Variants in PRR35 observed in about 807,000 individuals in gnomAD.
The protein encoded by PRR35 is proline-rich protein 35.
PRR35 carries 14 observed loss-of-function variants against 18.6 expected under a neutral mutation model. The observed-to-expected ratio is 0.75, with a 90% CI of 0.50 to 1.18. PRR35 has a LOEUF of 1.18. PRR35 is among the 50% of genes most tolerant of loss of function. The probability of loss-of-function intolerance (pLI) is 0.00; values close to 1 mark genes in which losing one functional copy is unlikely to be tolerated. For missense variants in PRR35, 832 were observed against 792.2 expected, an observed-to-expected ratio of 1.05 and a Z score of -0.60; for synonymous variants, 425 against 378.2, an observed-to-expected ratio of 1.12 and a Z score of -1.43.
chr16:561,088 G>C (rs2035426520), intron 1 of PRR35, among the ~76,000 whole-genome samples: 1 of 152,130 alleles, frequency 6.6e-6, no homozygotes, highest in African/African-American at 2.4e-5. Context: ...GCCGGGTGTC[G>C]GGGCCTGGCA....
At position 565,117 on chromosome 16, in the gene PRR35, C is replaced by T. The variant is rs1161398907; in HGVS notation, c.1526C>T (p.Pro509Leu). The T allele has an allele frequency of 6.2e-7, 1 of 1,603,700 alleles. No individual in the cohort carries two copies. The highest frequency in any genetic ancestry group is 2.2e-5 in the East Asian group (1 of 44,620). ...EPPGMLGPAA[P>L]QPFSGHTTKC... ...CCCGGCATGCTGGGCCCTGCAGCGC[C>T]CCAACCCTTCTCTGGCCACACCACC... is the stretch of plus-strand genomic sequence containing the variant. Residue 509 changes from proline to leucine, a missense_variant, in exon 3 of 3, where the codon CCC becomes CTC. This residue lies in a region of PRR35 where 768 missense variants were observed against 704.1 expected (regional missense o/e 1.09). Coordinates refer to ENST00000409413, the MANE Select transcript of PRR35 (RefSeq NM_145270.3).
In PRR35 at chr16:565,198, A is replaced by G. The variant is rs2035517307; in HGVS notation, c.1607A>G (p.Asp536Gly). ...PPPGLPLAAP[D>G]DPVIPGSGWG... ...CCAGGGCTCCCCCTCGCAGCCCCAG[A>G]TGACCCTGTCATTCCTGGCAGTGGC... The change falls in exon 3 of 3, where the codon GAT becomes GGT. Residue 536 changes from aspartate (D) to glycine (G), a missense_variant. Physicochemically the swap from Asp to Gly is moderately conservative, Grantham distance 94. Coordinates refer to ENST00000409413, the MANE Select transcript of PRR35 (RefSeq NM_145270.3). 3 of 1,610,840 alleles carry G rather than the reference A, an allele frequency of 1.9e-6. No individual in the cohort carries two copies. Among genetic ancestry groups the G allele is most frequent in the South Asian group, 2.2e-5 (2 of 90,836 alleles).
intron 1 of PRR35, among the ~76,000 whole-genome samples, chr16:560,900 G>T (rs1253016588): frequency 6.7e-6 from 1 of 148,856 alleles, no homozygotes; most frequent in African/African-American, 2.5e-5. Context: ...CCTCGCGCTC[G>T]CCGCACCCGC....
upstream of PRR35, chr16:560,327 G>A (rs2035411922): frequency 1.0e-6 from 1 of 981,308 alleles, no homozygotes; most frequent in Non-Finnish European, 1.2e-6. Context: ...CGCCGCGAGC[G>A]CGGTCGGAGG....
chr16:565,323 G>C lies in PRR35; in HGVS notation c.*16G>C. ...CGAGGTCTGACCTGCAGCGCCTGAG[G>C]TCTGACTGTCTCTGCCTGCAGCATG... On this transcript the variant is annotated 3_prime_UTR_variant, in exon 3 of 3. Transcript: ENST00000409413. The C allele has an allele frequency of 6.8e-7, 1 of 1,467,056 alleles. No individual in the cohort carries two copies. The highest frequency in any genetic ancestry group is 9.0e-7 in the Non-Finnish European group (1 of 1,108,998). The allele number at this position is 1,467,056 out of a possible 1,614,324, so 90.9% of individuals were successfully genotyped here.
In PRR35 at chr16:561,447, TG is replaced by T. The variant is rs536429482; in HGVS notation, c.-40+794del. Among the ~76,000 whole-genome samples the T allele has an allele frequency of 4.6e-5, 7 of 151,572 alleles. No homozygotes were observed. In the East Asian group the frequency reaches 5.9e-4, roughly 13 times the overall value. On this transcript the variant is annotated intron_variant, in intron 1 of 2. Transcript: ENST00000409413. ...CACACCCATTTGTCATCCACATGGGTGGGGGGGGCGGCGGGCAGGGAGAAGG... is the reference window on the plus strand; with the variant it reads ...CACACCCATTTGTCATCCACATGGGTGGGGGGGCGGCGGGCAGGGAGAAGG...
intron 1 of PRR35, among the ~76,000 whole-genome samples, chr16:561,450 G>A (rs527526897): frequency 3.3e-5 from 5 of 152,172 alleles, no homozygotes; most frequent in East Asian, 3.9e-4. Flanking sequence ...ACATGGGTGG[G>A]GGGGGCGGCG....
At position 563,238 on chromosome 16, in the gene PRR35, C is replaced by G. The variant is rs1383614533; in HGVS notation, c.-39-18C>G. The G allele has an allele frequency of 6.6e-7, 1 of 1,519,158 alleles. No individual in the cohort carries two copies. Among genetic ancestry groups the G allele is most frequent in the Admixed American group, 2.0e-5 (1 of 50,872 alleles). The allele number at this position is 1,519,158 out of a possible 1,614,324, so 94.1% of individuals were successfully genotyped here. ...TAGTCAGAGGCAGGCTTGGCACTGACTGTGGCCCCATCTACAGGTGGCCAT... is the reference window on the plus strand; with the variant it reads ...TAGTCAGAGGCAGGCTTGGCACTGAGTGTGGCCCCATCTACAGGTGGCCAT... On this transcript the variant is annotated intron_variant, in intron 1 of 2. Coordinates refer to ENST00000409413, the MANE Select transcript of PRR35 (RefSeq NM_145270.3).
chr16:561,952 TGCAGCCAGGGCCCC>T, intron 1 of PRR35, among the ~76,000 whole-genome samples: 1 of 152,174 alleles, frequency 6.6e-6, no homozygotes, highest in African/African-American at 2.4e-5. Context: ...GTGAGGTGTG[TGCAGCCAGGGCCCC>T]GCACTTGGTG....
chr16:562,913 T>A (rs1319131368), intron 1 of PRR35, among the ~76,000 whole-genome samples: 4 of 152,142 alleles, frequency 2.6e-5, no homozygotes, highest in Non-Finnish European at 5.9e-5. Flanking sequence ...CTAGTTAAAA[T>A]CGAATTTCCG....
At chr16:562,600 C>T (rs199777657) in intron 1 of PRR35, among the ~76,000 whole-genome samples, 1 of 64,988 alleles carries the variant, frequency 1.5e-5, no homozygotes, top group African/African-American at 4.8e-5. Flanking sequence ...CACACAGACA[C>T]ACACAGGCAC....
rs986434362 is a variant in PRR35 at position 565,222 on chromosome 16, G to C, written c.1631G>C (p.Gly544Ala). 2.5e-6 allele frequency: 4 copies of C among 1,609,496 alleles called. No individual in the cohort carries two copies. The highest frequency in any genetic ancestry group is 3.4e-6 in the Non-Finnish European group (4 of 1,178,468). ...APDDPVIPGS[G>A]WGTCVATRSS... ...GATGACCCTGTCATTCCTGGCAGTGGCTGGGGCACCTGTGTTGCGACGAGG... is the reference window on the plus strand; with the variant it reads ...GATGACCCTGTCATTCCTGGCAGTGCCTGGGGCACCTGTGTTGCGACGAGG... The change falls in exon 3 of 3, where the codon GGC becomes GCC. Residue 544 changes from glycine (G) to alanine (A), a missense_variant. Coordinates refer to ENST00000409413, the MANE Select transcript of PRR35 (RefSeq NM_145270.3).
chr16:562,926 A>G (rs1248727467), intron 1 of PRR35, among the ~76,000 whole-genome samples: 19 of 152,346 alleles, frequency 1.2e-4, no homozygotes, highest in Admixed American at 4.6e-4. Context: ...AATTTCCGAT[A>G]AACAATGAAC....
Position 564,273 on chromosome 16 carries a change from G to C in PRR35, c.979G>C (p.Glu327Gln), listed in dbSNP as rs1038429444. Residue 327 changes from glutamate to glutamine, a missense_variant, in exon 2 of 3, where the codon GAG becomes CAG. Physicochemically the swap from Glu to Gln is conservative, Grantham distance 29 (BLOSUM62 2). Transcript: ENST00000409413. The stretch of plus-strand genomic sequence containing the variant: ...GGACCCAGGGCAGGAGGGGGAGCTG[G>C]AGCGGGCAGCCCAGAGTGACCCCAG... Reference protein sequence around the residue: ...PRDPGQEGELERAAQSDPRRR... With the variant: ...PRDPGQEGELQRAAQSDPRRR... 2 of 1,577,382 alleles carry C rather than the reference G, an allele frequency of 1.3e-6. No individual in the cohort carries two copies. The highest frequency in any genetic ancestry group is 1.8e-5 in the Admixed American group (1 of 55,594).
At chr16:559,888 G>T, upstream of PRR35, 1 of 431,076 alleles carries the variant, frequency 2.3e-6, no homozygotes, top group Non-Finnish European at 3.1e-6. Flanking sequence ...GCCCGGCTCC[G>T]CTGGCTCAGT....
rs1484121990 is a variant in PRR35, at chr16:563,572, C to G, written c.278C>G (p.Pro93Arg). ...CCCCACGCACCCACCCCAGACCGCC[C>G]TGGGGAGTCCGACCCCGGCAGGCAA... ...PRPHAPTPDR[P>R]GESDPGRQPQ... The change falls in exon 2 of 3, where the codon CCT becomes CGT. Residue 93 changes from proline to arginine, a missense_variant. Pro to Arg is a moderately radical substitution (Grantham distance 103). This residue lies in a region of PRR35 where 768 missense variants were observed against 704.1 expected (regional missense o/e 1.09). Coordinates refer to ENST00000409413, the MANE Select transcript of PRR35 (RefSeq NM_145270.3). 4.4e-6 allele frequency: 7 copies of G among 1,605,240 alleles called. No homozygotes were observed. Among genetic ancestry groups the G allele is most frequent in the Non-Finnish European group, 5.9e-6 (7 of 1,177,536 alleles).
chr16:565,223 CT>C lies in PRR35; in HGVS notation c.1633del (p.Trp545GlyfsTer96). The part of the protein sequence containing the change: ...PDDPVIPGSG[W>X]GTCVATRSSQ... ...ATGACCCTGTCATTCCTGGCAGTGGCTGGGGCACCTGTGTTGCGACGAGGAG... is the reference window on the plus strand; with the variant it reads ...ATGACCCTGTCATTCCTGGCAGTGGCGGGGCACCTGTGTTGCGACGAGGAG... On this transcript the variant is annotated frameshift_variant, in exon 3 of 3. Coordinates refer to ENST00000409413, the MANE Select transcript of PRR35 (RefSeq NM_145270.3). LOFTEE classifies it low-confidence loss of function (END_TRUNC). The C allele has an allele frequency of 1.9e-6, 3 of 1,609,014 alleles. No individual in the cohort carries two copies. Among genetic ancestry groups the C allele is most frequent in the Non-Finnish European group, 1.7e-6 (2 of 1,178,282 alleles).
chr16:564,018 C>T lies in PRR35; in HGVS notation c.724C>T (p.Leu242=), dbSNP rs746557224. 3.1e-6 allele frequency: 5 copies of T among 1,590,384 alleles called. No homozygotes were observed. In the African/African-American group the frequency reaches 5.4e-5, roughly 17 times the overall value. The change falls in exon 2 of 3, where the codon CTG becomes TTG. Residue 242 remains leucine, a synonymous_variant. Coordinates refer to ENST00000409413, the MANE Select transcript of PRR35 (RefSeq NM_145270.3). ...GCCCTTCCTGGCCTCGGCCAGCCCC[C>T]TGCTGCCCCCGGCCACGGCCTTCCC... is the stretch of plus-strand genomic sequence containing the variant. ...HVPFLASASP[L]LPPATAFPAV... is the part of the protein sequence containing the mutation.
At chr16:564,453 C>A in intron 2 of PRR35, 77 bp downstream of exon 2, 3 of 1,534,180 alleles carry the variant, frequency 2.0e-6, no homozygotes, top group South Asian at 1.2e-5. Context: ...GGCGGCTGGG[C>A]ATGGCGGCTG....
Sources: allele counts gnomAD v4.1 joint callset (sites outside exome capture counted in the v4.1 genomes callset), GRCh38; gene constraint gnomAD v4.1.1; regional missense constraint gnomAD v4.1.1; transcripts MANE v1.5; gene names NCBI Gene and HGNC (gene_info 2026-07-23, HGNC 2026-07-21).